Variants in PHF24 observed in about 807,000 individuals in gnomAD.
PHF24 encodes the protein PHD finger protein 24.
In PHF24, 25 loss-of-function variants were observed where a neutral mutation model predicts 42.6. The ratio of observed to expected loss-of-function variants is 0.59; its 90% CI spans 0.43 to 0.82. The LOEUF (loss-of-function observed/expected upper bound fraction) is 0.82. PHF24 is among the 40% of genes least tolerant of loss of function. The pLI is 0.00. For synonymous variants in PHF24, 185 were observed against 204.8 expected (o/e 0.90, Z 0.83); for missense variants, 470 against 538.1 (o/e 0.87, Z 1.25).
chr9:34,811,639 TGACAAGGCTAAATAGCCTAA>T, the PHF24 span, among the ~76,000 whole-genome samples: 77 of 152,208 alleles, frequency 5.1e-4, 2 homozygotes, highest in Admixed American at 5.0e-3. Flanking sequence ...AAGGCTAAAA[TGACAAGGCTAAATAGCCTAA>T]GACAAGGCTA....
upstream of PHF24, among the ~76,000 whole-genome samples, chr9:34,956,428 T>C (rs561801020): frequency 3.9e-5 from 6 of 152,272 alleles, no homozygotes; most frequent in South Asian, 1.2e-3. Context: ...CCTGGCTAAT[T>C]GTTGTGTTTT....
chr9:34,850,900 C>T, the PHF24 span, among the ~76,000 whole-genome samples: 1 of 152,212 alleles, frequency 6.6e-6, no homozygotes, highest in African/African-American at 2.4e-5. Flanking sequence ...GCAGCAGTGG[C>T]TGCAGAACAG....
the PHF24 span, among the ~76,000 whole-genome samples, chr9:34,692,508 C>T: frequency 1.3e-5 from 2 of 152,118 alleles, no homozygotes; most frequent in Non-Finnish European, 2.9e-5. Flanking sequence ...CACTCCACAC[C>T]GCCTGTCTGC....
chr9:34,931,878 A>G, the PHF24 span, among the ~76,000 whole-genome samples: 1 of 152,226 alleles, frequency 6.6e-6, no homozygotes, highest in African/African-American at 2.4e-5. Context: ...GAAAGTGGGA[A>G]AAGAGGGCAA....
chr9:34,972,480 G>A (rs200891743), exon 3 of PHF24: 290 of 1,613,864 alleles, frequency 1.8e-4, no homozygotes, highest in East Asian at 8.9e-4. Context: ...ACAGTGCAGC[G>A]GAGGTGACGG....
chr9:34,853,380 A>AT, the PHF24 span, among the ~76,000 whole-genome samples: 2 of 152,018 alleles, frequency 1.3e-5, no homozygotes, highest in African/African-American at 4.8e-5. Flanking sequence ...CTTATTAAGG[A>AT]TTTTTGCGTT....
chr9:34,683,785 G>T, the PHF24 span, among the ~76,000 whole-genome samples: 1 of 152,232 alleles, frequency 6.6e-6, no homozygotes, highest in Non-Finnish European at 1.5e-5. Flanking sequence ...CTGGGTGGGT[G>T]CTCCCTTCGT....
the PHF24 span, among the ~76,000 whole-genome samples, chr9:34,891,424 A>C: frequency 6.6e-6 from 1 of 152,226 alleles, no homozygotes; most frequent in Non-Finnish European, 1.5e-5. Context: ...CCTTGGCCTG[A>C]GGAAACAATT....
chr9:34,706,302 G>C, the PHF24 span, among the ~76,000 whole-genome samples: 4 of 152,256 alleles, frequency 2.6e-5, no homozygotes, highest in African/African-American at 9.6e-5. Context: ...GTTGGCAAGA[G>C]AGTTAGATCT....
At chr9:34,899,994 A>C in the PHF24 span, among the ~76,000 whole-genome samples, 3 of 152,304 alleles carry the variant, frequency 2.0e-5, no homozygotes, top group Non-Finnish European at 4.4e-5. Flanking sequence ...GAAGGCACTC[A>C]GCTATGGGTT....
At chr9:34,887,751 T>C in the PHF24 span, among the ~76,000 whole-genome samples, 1 of 152,198 alleles carries the variant, frequency 6.6e-6, no homozygotes. Flanking sequence ...TCACCTTCTA[T>C]ATACTATGTT....
At chr9:34,706,097 G>A in the PHF24 span, among the ~76,000 whole-genome samples, 12 of 152,108 alleles carry the variant, frequency 7.9e-5, no homozygotes, top group African/African-American at 2.4e-4. Flanking sequence ...GATGAGTGAC[G>A]AAGGAAAAGT....
chr9:34,977,389 G>A (rs1469387594), intron 6 of PHF24, 146 bp downstream of exon 6: 11 of 1,210,128 alleles, frequency 9.1e-6, no homozygotes, highest in South Asian at 5.8e-5. Flanking sequence ...TGATGCCTAC[G>A]GGCCAGGGCA....
the PHF24 span, among the ~76,000 whole-genome samples, chr9:34,843,932 T>C: frequency 9.9e-5 from 15 of 152,154 alleles, no homozygotes; most frequent in Non-Finnish European, 1.5e-4. Flanking sequence ...CCTGTACTTT[T>C]CTTTTTGTTG....
the PHF24 span, among the ~76,000 whole-genome samples, chr9:34,789,326 C>G: frequency 1.3e-5 from 2 of 152,220 alleles, no homozygotes. Context: ...ACTCTCTGCT[C>G]TCTATTTTCC....
chr9:34,952,035 C>G, the PHF24 span, among the ~76,000 whole-genome samples: 1 of 152,122 alleles, frequency 6.6e-6, no homozygotes, highest in Non-Finnish European at 1.5e-5. Flanking sequence ...AAATACCAGA[C>G]AGTGCAGTAA....
chr9:34,689,989 G>T, the PHF24 span: 5 of 1,614,056 alleles, frequency 3.1e-6, no homozygotes, highest in East Asian at 2.2e-5. The surrounding 1 kb of genome is among the most constrained non-coding windows in gnomAD (Gnocchi z 4.1). Context: ...TGGTCTGGGG[G>T]TGCACAGAGC....
At chr9:34,788,102 A>G in the PHF24 span, among the ~76,000 whole-genome samples, 4 of 152,112 alleles carry the variant, frequency 2.6e-5, no homozygotes, top group Admixed American at 6.5e-5. Flanking sequence ...CAGTGGTGTG[A>G]TCATGGCTCA....
At chr9:34,968,744 A>G (rs1313481321) in intron 1 of PHF24, among the ~76,000 whole-genome samples, 1 of 152,246 alleles carries the variant, frequency 6.6e-6, no homozygotes, top group Non-Finnish European at 1.5e-5. Flanking sequence ...TTAATTAGCT[A>G]ATTGGAAAAT....
Sources: gnomAD v4.1 joint callset for allele counts (sites outside exome capture counted in the v4.1 genomes callset) on GRCh38, gnomAD v4.1.1 for gene constraint, Gnocchi (gnomAD v3.1) non-coding constraint, MANE v1.5 for transcripts, NCBI Gene and HGNC (gene_info 2026-07-23, HGNC 2026-07-21) for gene names.